The following ADAMTS18 variants were observed in gnomAD, a reference collection of about 807,000 sequenced individuals.
The protein encoded by ADAMTS18 is ADAM metallopeptidase with thrombospondin type 1 motif 18, also known as A disintegrin and metalloproteinase with thrombospondin motifs 18.
Under a neutral mutation model 165.9 loss-of-function variants are expected in ADAMTS18, and 157 were observed. The observed-to-expected ratio is 0.95, with a 90% CI of 0.83 to 1.08. The LOEUF (loss-of-function observed/expected upper bound fraction) is 1.08, where lower values mean the gene tolerates loss of function less well. ADAMTS18 is among the 50% of genes least tolerant of loss of function. The probability of loss-of-function intolerance (pLI) is 0.00; values close to 1 mark genes in which losing one functional copy is unlikely to be tolerated. For synonymous variants in ADAMTS18, 782 were observed against 578.2 expected, an observed-to-expected ratio of 1.35 and a Z score of -5.06; for missense variants, 2,040 against 1,534.0, an observed-to-expected ratio of 1.33 and a Z score of -5.51.
At chr16:77,394,673 C>T (rs1282437620) in intron 3 of ADAMTS18, among the ~76,000 whole-genome samples, 3 of 152,036 alleles carry the variant, frequency 2.0e-5, no homozygotes, top group Non-Finnish European at 4.4e-5. Context: ...CGTTCTCACC[C>T]AAAATTTGAC....
At chr16:77,422,067 G>A (rs2057609812) in intron 3 of ADAMTS18, among the ~76,000 whole-genome samples, 1 of 152,096 alleles carries the variant, frequency 6.6e-6, no homozygotes, top group Non-Finnish European at 1.5e-5. Flanking sequence ...CTGGTTTCAT[G>A]AAGAGTGTCC....
At position 77,285,686 on chromosome 16, in the gene ADAMTS18, C is replaced by A. The variant is rs550107894; in HGVS notation, c.3551-1615G>T. Among the ~76,000 whole-genome samples, 4 of 152,244 alleles carry A rather than the reference C, an allele frequency of 2.6e-5. No individual in the cohort carries two copies. In the East Asian group the frequency reaches 7.7e-4, roughly 29 times the overall value. On this transcript the variant is annotated intron_variant, in intron 22 of 22. Transcript: ENST00000282849. ...TAAGTGCTTTTTTTGATTATAATTACTAACAGCTGGTTGTTTGAGCTTCTA... is the reference window on the plus strand; with the variant it reads ...TAAGTGCTTTTTTTGATTATAATTAATAACAGCTGGTTGTTTGAGCTTCTA...
intron 3 of ADAMTS18, among the ~76,000 whole-genome samples, chr16:77,378,312 G>C (rs2144765065): frequency 6.7e-6 from 1 of 148,968 alleles, no homozygotes. Context: ...GACAGAGTGA[G>C]GCCTTGTCTC....
At chr16:77,290,653 C>T (rs2055344576) in intron 21 of ADAMTS18, 1 of 162,470 alleles carries the variant, frequency 6.2e-6, no homozygotes, top group South Asian at 1.7e-4. Context: ...GCAACATCTG[C>T]TGGGTGGAAT....
At chr16:77,359,829 G>A (rs1015224949) in intron 7 of ADAMTS18, among the ~76,000 whole-genome samples, 6 of 152,292 alleles carry the variant, frequency 3.9e-5, no homozygotes, top group South Asian at 2.1e-4. Flanking sequence ...TGGCATTAAC[G>A]TCACAGCTCA....
chr16:77,314,724 A>T (rs1331127577), intron 16 of ADAMTS18, among the ~76,000 whole-genome samples: 1 of 105,948 alleles, frequency 9.4e-6, no homozygotes, highest in Non-Finnish European at 1.9e-5. Context: ...ACTTGTGATC[A>T]CCAGTTTGCT....
chr16:77,389,181 G>C (rs987147176), intron 3 of ADAMTS18, among the ~76,000 whole-genome samples: 1 of 152,090 alleles, frequency 6.6e-6, no homozygotes, highest in African/African-American at 2.4e-5. Context: ...CATACCTGTG[G>C]TCTCAGCTAG....
At position 77,284,030 on chromosome 16, in the gene ADAMTS18, C is replaced by G; in HGVS notation, c.3592G>C (p.Val1198Leu). 6.2e-7 allele frequency: 1 copy of G among 1,613,934 alleles called. No individual in the cohort carries two copies. The highest frequency in any genetic ancestry group is 1.7e-4 in the Middle Eastern group (1 of 6,060). ...CVDFFNWCHL[V>L]PQHGVCNHKF... ...TGGTTGCAGACACCATGCTGAGGAA[C>G]TAGGTGACACCAGTTGAAGAAATCT... Residue 1198 changes from valine (V) to leucine (L), a missense_variant, in exon 23 of 23, where the codon GTT becomes CTT. Val to Leu is a conservative substitution (Grantham distance 32). Coordinates refer to ENST00000282849, the MANE Select transcript of ADAMTS18 (RefSeq NM_199355.4).
chr16:77,348,130 C>A (rs1331530792), intron 10 of ADAMTS18, among the ~76,000 whole-genome samples: 1 of 152,064 alleles, frequency 6.6e-6, no homozygotes, highest in East Asian at 1.9e-4. Flanking sequence ...TTCCTGTATA[C>A]TAGCACTTTC....
At chr16:77,353,926 C>T in intron 9 of ADAMTS18, 40 bp from the exon 10 acceptor site, 1 of 1,612,952 alleles carries the variant, frequency 6.2e-7, no homozygotes, top group African/African-American at 1.3e-5. Flanking sequence ...CTCTGTTGAT[C>T]TGTGATCTTT....
intron 8 of ADAMTS18, among the ~76,000 whole-genome samples, chr16:77,357,394 A>G (rs777054498): frequency 1.3e-5 from 2 of 152,160 alleles, no homozygotes; most frequent in Non-Finnish European, 2.9e-5. Flanking sequence ...GTCAATGTAT[A>G]CTCAGTGAAA....
At position 77,335,865 on chromosome 16, in the gene ADAMTS18, C is replaced by T. The variant is rs149189203; in HGVS notation, c.1750G>A (p.Gly584Arg). The T allele has an allele frequency of 3.0e-5, 48 of 1,614,028 alleles. No homozygotes were observed. The highest frequency in any genetic ancestry group is 1.6e-4 in the Middle Eastern group (1 of 6,084). The change falls in exon 12 of 23, where the codon GGG (glycine) becomes AGG (arginine). Residue 584 changes from glycine (G) to arginine (R), a missense_variant. Gly to Arg is a moderately radical substitution (Grantham distance 125). Coordinates refer to ENST00000282849, the MANE Select transcript of ADAMTS18 (RefSeq NM_199355.4). ...CACTGGCCGTGGATGGGCCGGGGCC[C>T]GAGCTCCCCAAACTTTACGCACTGG... ...QGQCVKFGELGPRPIHGQWSA... is the reference protein window; with the variant it reads ...QGQCVKFGELRPRPIHGQWSA...
At position 77,287,174 on chromosome 16, in the gene ADAMTS18, G is replaced by C. The variant is rs1363068678; in HGVS notation, c.3550+2090C>G. On this transcript the variant is annotated intron_variant, in intron 22 of 22. Coordinates refer to ENST00000282849, the MANE Select transcript of ADAMTS18 (RefSeq NM_199355.4). ...GAGGAAACTCTCACAGTGCCTAGCA[G>C]AGTACCGTACCTGGTCCACAGTGGG... Among the ~76,000 whole-genome samples the C allele has an allele frequency of 2.0e-5, 3 of 152,262 alleles. No individual in the cohort carries two copies. In the East Asian group the frequency reaches 5.8e-4, roughly 29 times the overall value.
At chr16:77,314,688 A>G (rs1227738111) in intron 16 of ADAMTS18, among the ~76,000 whole-genome samples, 1 of 130,908 alleles carries the variant, frequency 7.6e-6, no homozygotes, top group East Asian at 2.2e-4. Flanking sequence ...CGATTGATAG[A>G]TAGTGCGGGC....
intron 13 of ADAMTS18, among the ~76,000 whole-genome samples, chr16:77,323,248 G>A (rs913044361): frequency 2.6e-5 from 4 of 152,284 alleles, no homozygotes; most frequent in Admixed American, 2.6e-4. Context: ...GAGACCTTCT[G>A]TGGGTGATAT....
Position 77,316,064 on chromosome 16 carries a change from A to T in ADAMTS18, c.2532+3785T>A, listed in dbSNP as rs561154965. Among the ~76,000 whole-genome samples, 108 of 152,294 alleles carry T rather than the reference A, an allele frequency of 7.1e-4. 1 individual carries two copies. The highest frequency in any genetic ancestry group is 2.5e-3 in the African/African-American group (105 of 41,560). ...TTCTCCCTCAGAGTTCATTTCTTAT[A>T]CATGTCTAGTAACTTTTCTAGCTTC... On this transcript the variant is annotated intron_variant, in intron 16 of 22. Coordinates refer to ENST00000282849, the MANE Select transcript of ADAMTS18 (RefSeq NM_199355.4).
intron 14 of ADAMTS18, among the ~76,000 whole-genome samples, chr16:77,321,776 T>A (rs2056002887): frequency 6.6e-6 from 1 of 152,196 alleles, no homozygotes. Flanking sequence ...TATAGCATCA[T>A]CTCCATTCTA....
intron 22 of ADAMTS18, among the ~76,000 whole-genome samples, chr16:77,287,719 G>A (rs182058014): frequency 6.6e-6 from 1 of 151,992 alleles, no homozygotes; most frequent in Non-Finnish European, 1.5e-5. Context: ...TGATCCACCC[G>A]CCTCAGCCTC....
At chr16:77,298,027 C>T (rs1371757333) in intron 17 of ADAMTS18, among the ~76,000 whole-genome samples, 4 of 143,498 alleles carry the variant, frequency 2.8e-5, no homozygotes, top group African/African-American at 7.8e-5. Context: ...CGGGTTCAAG[C>T]GATTCTCCTG....
Sources: gnomAD v4.1 joint callset for allele counts (sites outside exome capture counted in the v4.1 genomes callset) on GRCh38, gnomAD v4.1.1 for gene constraint, MANE v1.5 for transcripts, NCBI Gene and HGNC (gene_info 2026-07-23, HGNC 2026-07-21) for gene names.